ZFAND4: variants seen among roughly 807,000 people sequenced by gnomAD.
The protein encoded by ZFAND4 is AN1-type zinc finger protein 4.
Under a neutral mutation model 64.4 loss-of-function variants are expected in ZFAND4, and 43 were observed. The observed-to-expected ratio is 0.67, with a 90% confidence interval of 0.52 to 0.86. The LOEUF is 0.86. Ranked by LOEUF, ZFAND4 falls within the 40% of genes least tolerant of loss-of-function variation. The pLI, the probability that ZFAND4 is intolerant of heterozygous loss-of-function variation, is 0.00. For missense variants in ZFAND4, 929 were observed against 859.8 expected (o/e 1.08, Z -1.01); for synonymous variants, 296 against 305.7 (o/e 0.97, Z 0.33).
At chr10:45,648,870 C>A in intron 4 of ZFAND4, 1 of 857,624 alleles carries the variant, frequency 1.2e-6, no homozygotes, top group Non-Finnish European at 1.4e-6. Context: ...TATGATATTA[C>A]TATCAATAAT....
At chr10:45,624,763 C>G (rs1396139543) in intron 7 of ZFAND4, 126 bp from the exon 8 acceptor site, 1 of 774,768 alleles carries the variant, frequency 1.3e-6, no homozygotes, top group African/African-American at 1.8e-5. Flanking sequence ...TTATTTATTC[C>G]AATTTTTGTT....
chr10:45,630,650 C>G (rs539970064), intron 6 of ZFAND4, among the ~76,000 whole-genome samples: 1 of 151,874 alleles, frequency 6.6e-6, no homozygotes, highest in Non-Finnish European at 1.5e-5. Flanking sequence ...GGCATGAACC[C>G]GGAAGACAAA....
chr10:45,659,796 T>C (rs2048347458), intron 2 of ZFAND4, among the ~76,000 whole-genome samples: 1 of 151,930 alleles, frequency 6.6e-6, no homozygotes, highest in African/African-American at 2.4e-5. Flanking sequence ...AAAGTAGATG[T>C]TAAAAATAAA....
At chr10:45,617,743 A>G (rs1275439937) in intron 9 of ZFAND4, 1 of 152,304 alleles carries the variant, frequency 6.6e-6, no homozygotes, top group Non-Finnish European at 1.5e-5. Context: ...AGTAAGAAAA[A>G]GGTCATACTT....
chr10:45,619,050 T>C (rs867537859), intron 8 of ZFAND4, among the ~76,000 whole-genome samples: 1 of 152,232 alleles, frequency 6.6e-6, no homozygotes, highest in Middle Eastern at 3.4e-3. Flanking sequence ...AATCAATTTT[T>C]TTTTTTTTTG....
intron 2 of ZFAND4, among the ~76,000 whole-genome samples, chr10:45,655,008 CAG>C (rs1384628228): frequency 1.3e-5 from 2 of 152,126 alleles, no homozygotes; most frequent in African/African-American, 4.8e-5. Context: ...ATGGACCTAA[CAG>C]ATATTTACAG....
At position 45,666,780 on chromosome 10, in the gene ZFAND4, A is replaced by T. The variant is rs193258764; in HGVS notation, c.-117-2938T>A. On this transcript the variant is annotated intron_variant, in intron 1 of 9. Transcript: ENST00000344646. The stretch of plus-strand genomic sequence containing the variant: ...TTTGTCAGAATTACCATTCATTCCC[A>T]ATTGAATTGTCTTGGATCCTTGTTA... 9.3e-4 allele frequency among the ~76,000 whole-genome samples: 141 copies of T among 152,234 alleles called. 1 individual carries two copies. The Middle Eastern group carries it at 0.014, about 15-fold the overall frequency.
chr10:45,663,115 TAAAA>T (rs544625363), intron 2 of ZFAND4, among the ~76,000 whole-genome samples: 4 of 130,184 alleles, frequency 3.1e-5, no homozygotes, highest in African/African-American at 5.6e-5. Flanking sequence ...ACCTCCACAT[TAAAA>T]AAAAAAAAAA....
chr10:45,667,715 C>T (rs1452831024), intron 1 of ZFAND4, among the ~76,000 whole-genome samples: 1 of 152,232 alleles, frequency 6.6e-6, no homozygotes, highest in East Asian at 1.9e-4. Flanking sequence ...GTGACCCACC[C>T]ACCCTGGCCT....
In ZFAND4 at chr10:45,621,696, C is replaced by T. The variant is rs559760877; in HGVS notation, c.1927+2887G>A. On this transcript the variant is annotated intron_variant, in intron 8 of 9. Coordinates refer to ENST00000344646, the MANE Select transcript of ZFAND4 (RefSeq NM_174890.4). ...GGTGGAGCTTGCAGTGAGCCGAGAT[C>T]GTGCCACCGCACTCCAGCCTGGGAG... Among the ~76,000 whole-genome samples the T allele has an allele frequency of 2.6e-5, 4 of 151,996 alleles. No individual in the cohort carries two copies. In the South Asian group the frequency reaches 6.2e-4, roughly 24 times the overall value.
chr10:45,634,020 T>A (rs2046387925), intron 6 of ZFAND4, among the ~76,000 whole-genome samples: 1 of 152,202 alleles, frequency 6.6e-6, no homozygotes, highest in South Asian at 2.1e-4. Flanking sequence ...GATGACATAA[T>A]GTGTATCAAT....
intron 2 of ZFAND4, among the ~76,000 whole-genome samples, chr10:45,654,265 A>C (rs187162320): frequency 6.6e-6 from 1 of 152,226 alleles, no homozygotes; most frequent in African/African-American, 2.4e-5. Flanking sequence ...TCAGCAACAC[A>C]CAATTTACCC....
chr10:45,667,458 C>CCTTTTTTTTTTTTTTTTTTTTT (rs1564639790), intron 1 of ZFAND4, among the ~76,000 whole-genome samples: 3 of 90,662 alleles, frequency 3.3e-5, no homozygotes. Context: ...TCTTTTCTTT[C>CCTTTTTTTTTTTTTTTTTTTTT]TTTTTTTTTT....
At chr10:45,654,694 CA>C (rs2047987741) in intron 2 of ZFAND4, among the ~76,000 whole-genome samples, 2 of 151,164 alleles carry the variant, frequency 1.3e-5, no homozygotes, top group South Asian at 4.2e-4. Flanking sequence ...CAAAAGCAAG[CA>C]GGAGTAGCTA....
chr10:45,626,963 T>C lies in ZFAND4; in HGVS notation c.860A>G (p.Tyr287Cys). The change falls in exon 7 of 10, where the codon TAT becomes TGT. Residue 287 changes from tyrosine to cysteine, a missense_variant. Transcript: ENST00000344646. ...QSCSPAFGNA[Y>C]PPEISRNGIS... ...TCCATTCCTGGAGATTTCGGGCGGA[T>C]ATGCATTCCCAAAAGCAGGTGAACA... 1 of 1,614,210 alleles carries C rather than the reference T, an allele frequency of 6.2e-7. No homozygotes were observed. Among genetic ancestry groups the C allele is most frequent in the East Asian group, 2.2e-5 (1 of 44,886 alleles).
chr10:45,626,636 G>A lies in ZFAND4; in HGVS notation c.1187C>T (p.Pro396Leu). The stretch of plus-strand genomic sequence containing the variant: ...AAATGAAGCCAGTGAGCCCACTTTA[G>A]GTAGAAGTGATTGTTCGGTTACACA... ...EECVTEQSLL[P>L]KVGSLASFAE... is the part of the protein sequence containing the mutation. Residue 396 changes from proline to leucine, a missense_variant, in exon 7 of 10, where the codon CCT (proline) becomes CTT (leucine). Physicochemically the swap from Pro to Leu is moderately conservative, Grantham distance 98 (BLOSUM62 -3). Transcript: ENST00000344646. The A allele has an allele frequency of 6.2e-7, 1 of 1,614,190 alleles. No homozygotes were observed. The highest frequency in any genetic ancestry group is 8.5e-7 in the Non-Finnish European group (1 of 1,180,042).
At chr10:45,643,169 C>T (rs1053700079) in intron 5 of ZFAND4, among the ~76,000 whole-genome samples, 5 of 151,252 alleles carry the variant, frequency 3.3e-5, no homozygotes, top group Non-Finnish European at 5.9e-5. Flanking sequence ...ATCCGCCTGC[C>T]TCTGCCTCCC....
chr10:45,639,239 G>T (rs2046829701), intron 6 of ZFAND4, among the ~76,000 whole-genome samples: 1 of 152,040 alleles, frequency 6.6e-6, no homozygotes, highest in African/African-American at 2.4e-5. Context: ...AAAAATATAG[G>T]TGTTTTATTA....
At position 45,617,312 on chromosome 10, in the gene ZFAND4, G is replaced by C. The variant is rs117396780; in HGVS notation, c.2049-741C>G. Among the ~76,000 whole-genome samples the C allele has an allele frequency of 3.7e-3, 567 of 151,750 alleles. 13 individuals carry two copies. In the East Asian group the frequency reaches 0.052, roughly 14 times the overall value. ...GTAGCAAAATAGGTTGTTTTCATTCGAACCGAATACACTCTAAAAAGCAGG... is the reference window on the plus strand; with the variant it reads ...GTAGCAAAATAGGTTGTTTTCATTCCAACCGAATACACTCTAAAAAGCAGG... On this transcript the variant is annotated intron_variant, in intron 9 of 9. Transcript: ENST00000344646.
Sources: allele counts gnomAD v4.1 joint callset (sites outside exome capture counted in the v4.1 genomes callset), GRCh38; gene constraint gnomAD v4.1.1; transcripts MANE v1.5; gene names NCBI Gene and HGNC (gene_info 2026-07-23, HGNC 2026-07-21).